The following WASF2 variants were observed in gnomAD, a reference collection of about 807,000 sequenced individuals.
The protein encoded by WASF2 is actin-binding protein WASF2.
In WASF2, 14 loss-of-function variants were observed where a neutral mutation model predicts 45.0. That is an observed-to-expected ratio of 0.31 (90% confidence interval 0.21 to 0.49). The LOEUF (loss-of-function observed/expected upper bound fraction) is 0.49. WASF2 is among the 20% of genes least tolerant of loss of function. The pLI is 0.99. For synonymous variants in WASF2, 200 were observed against 236.3 expected, an observed-to-expected ratio of 0.85 and a Z score of 1.41; for missense variants, 439 against 636.1, an observed-to-expected ratio of 0.69 and a Z score of 3.33.
At chr1:27,435,699 T>G (rs2148115701) in intron 1 of WASF2, among the ~76,000 whole-genome samples, 1 of 152,206 alleles carries the variant, frequency 6.6e-6, no homozygotes, top group South Asian at 2.1e-4. Flanking sequence ...GGGAGGGATA[T>G]CTGTGAGAGA....
rs146282802 is a variant in WASF2 at position 27,412,653 on chromosome 1, G to A, written c.743C>T (p.Pro248Leu). 3.7e-6 allele frequency: 6 copies of A among 1,614,118 alleles called. No homozygotes were observed. The African/African-American group carries it at 6.7e-5, about 18-fold the overall frequency. ...VENVDASSYP[P>L]PPQSDSASSP... The stretch of plus-strand genomic sequence containing the variant: ...AGAAGCAGAGTCTGACTGTGGTGGT[G>A]GCGGATAGCTACTTGCATCCACGTT... Residue 248 changes from proline (P) to leucine (L), a missense_variant, in exon 7 of 9, where the codon CCA (proline) becomes CTA (leucine). Around this residue, in one of 5 missense-constraint regions of WASF2, gnomAD observed 286 missense variants for 373.5 expected, o/e 0.77. Transcript: ENST00000618852.
intron 1 of WASF2, among the ~76,000 whole-genome samples, chr1:27,489,762 A>T (rs2018004095): frequency 6.6e-6 from 1 of 152,020 alleles, no homozygotes; most frequent in Admixed American, 6.6e-5. Context: ...AGACTTGTGG[A>T]CCCCTCCAAG....
chr1:27,486,109 C>T (rs1403291397), intron 1 of WASF2, among the ~76,000 whole-genome samples: 3 of 152,068 alleles, frequency 2.0e-5, no homozygotes, highest in Non-Finnish European at 4.4e-5. Context: ...CATTTGGAGG[C>T]AAAACCTGAC....
intron 1 of WASF2, 71 bp from the exon 2 acceptor site, chr1:27,429,004 T>A: frequency 1.5e-5 from 12 of 826,892 alleles, no homozygotes; most frequent in East Asian, 4.8e-5. Context: ...TGTGAATCTT[T>A]TTTTTTTTTT....
At chr1:27,484,827 A>G (rs2017901500) in intron 1 of WASF2, among the ~76,000 whole-genome samples, 1 of 150,794 alleles carries the variant, frequency 6.6e-6, no homozygotes, top group Non-Finnish European at 1.5e-5. Context: ...AAAAAAGAAT[A>G]CTCTAAAGGA....
In WASF2 at chr1:27,446,524, C is replaced by G. The variant is rs189071389; in HGVS notation, c.-43-17591G>C. Among the ~76,000 whole-genome samples the G allele has an allele frequency of 1.3e-4, 20 of 152,186 alleles. No homozygotes were observed. In the East Asian group the frequency reaches 3.3e-3, roughly 25 times the overall value. Reference sequence around the variant, plus strand: ...ATTTGTTAGAAGAAACGCCTATAATCCCAACCAGCACTTTGGGAGGCTGAG... The same window carrying G: ...ATTTGTTAGAAGAAACGCCTATAATGCCAACCAGCACTTTGGGAGGCTGAG... On this transcript the variant is annotated intron_variant, in intron 1 of 8. Transcript: ENST00000618852.
At chr1:27,433,039 A>AG (rs2017087325) in intron 1 of WASF2, among the ~76,000 whole-genome samples, 1 of 152,228 alleles carries the variant, frequency 6.6e-6, no homozygotes, top group Non-Finnish European at 1.5e-5. Context: ...CTGGGATTAC[A>AG]GGTGTAAGCC....
chr1:27,427,887 CTAGA>C (rs1171829877), intron 2 of WASF2, among the ~76,000 whole-genome samples: 1 of 152,108 alleles, frequency 6.6e-6, no homozygotes, highest in Non-Finnish European at 1.5e-5. Context: ...TGGAGTGGCA[CTAGA>C]TAAATGCAGA....
chr1:27,450,138 C>T (rs138953220), intron 1 of WASF2, among the ~76,000 whole-genome samples: 1,646 of 150,796 alleles, frequency 0.011, 13 homozygotes, highest in Non-Finnish European at 0.014. Context: ...AGCAAGACTC[C>T]GTCTCAAAAA....
At chr1:27,463,659 A>G (rs1334871477) in intron 1 of WASF2, among the ~76,000 whole-genome samples, 1 of 150,320 alleles carries the variant, frequency 6.7e-6, no homozygotes, top group Admixed American at 6.7e-5. Flanking sequence ...TGATACTGTC[A>G]GAGGCACCTG....
At chr1:27,415,246 T>C (rs2016811677) in intron 5 of WASF2, among the ~76,000 whole-genome samples, 1 of 152,214 alleles carries the variant, frequency 6.6e-6, no homozygotes, top group African/African-American at 2.4e-5. Context: ...AAAGCTCTAA[T>C]TGCTAGATGT....
At chr1:27,476,957 T>C (rs1222916482) in intron 1 of WASF2, among the ~76,000 whole-genome samples, 1 of 152,146 alleles carries the variant, frequency 6.6e-6, no homozygotes, top group Non-Finnish European at 1.5e-5. Context: ...AACGATGAGC[T>C]CTAAAACTAC....
chr1:27,425,145 G>A (rs2016961053), intron 2 of WASF2, among the ~76,000 whole-genome samples: 2 of 152,198 alleles, frequency 1.3e-5, no homozygotes, highest in Admixed American at 1.3e-4. Flanking sequence ...CAGTGCTGGA[G>A]TGGCATGATC....
At chr1:27,433,586 A>C (rs922121713) in intron 1 of WASF2, among the ~76,000 whole-genome samples, 1 of 152,318 alleles carries the variant, frequency 6.6e-6, no homozygotes, top group Non-Finnish European at 1.5e-5. Flanking sequence ...TTTGGGCAGA[A>C]GGCTGGAAGT....
chr1:27,451,181 C>T (rs2017379165), intron 1 of WASF2, among the ~76,000 whole-genome samples: 1 of 152,174 alleles, frequency 6.6e-6, no homozygotes. Context: ...TTCCTCTGCC[C>T]TCACAGAGCT....
intron 1 of WASF2, among the ~76,000 whole-genome samples, chr1:27,484,082 T>C (rs565157337): frequency 6.6e-6 from 1 of 152,298 alleles, no homozygotes; most frequent in East Asian, 1.9e-4. Context: ...TCTTAGGAAC[T>C]ATGGAGCCAC....
At chr1:27,459,074 C>A (rs773655520) in intron 1 of WASF2, among the ~76,000 whole-genome samples, 1 of 151,188 alleles carries the variant, frequency 6.6e-6, no homozygotes, top group Non-Finnish European at 1.5e-5. Context: ...TGCAGTGAGC[C>A]GAGATCACAC....
At chr1:27,457,849 T>C (rs767729079) in intron 1 of WASF2, among the ~76,000 whole-genome samples, 19 of 152,034 alleles carry the variant, frequency 1.2e-4, no homozygotes, top group Non-Finnish European at 2.6e-4. Flanking sequence ...CTCAAATTCC[T>C]GGGCCTCAAG....
chr1:27,421,545 G>A (rs767712008), intron 2 of WASF2, among the ~76,000 whole-genome samples: 6 of 152,192 alleles, frequency 3.9e-5, no homozygotes, highest in Admixed American at 2.6e-4. Flanking sequence ...GCCAGGCGTG[G>A]TGGCTCATGA....
Sources: gnomAD v4.1 joint callset for allele counts (sites outside exome capture counted in the v4.1 genomes callset) on GRCh38, gnomAD v4.1.1 for gene constraint, gnomAD v4.1.1 regional missense constraint, MANE v1.5 for transcripts, NCBI Gene and HGNC (gene_info 2026-07-23, HGNC 2026-07-21) for gene names.